The following EPHX1 variants were observed in gnomAD, a reference collection of about 807,000 sequenced individuals.
EPHX1 encodes epoxide hydrolase 1.
EPHX1 carries 40 observed loss-of-function variants against 43.2 expected under a neutral mutation model. That is an observed-to-expected ratio of 0.93 (90% CI 0.72 to 1.21). The LOEUF (loss-of-function observed/expected upper bound fraction) is 1.21, where lower values mean the gene tolerates loss of function less well. Ranked by LOEUF, EPHX1 falls within the 50% of genes most tolerant of loss-of-function variation. The probability of loss-of-function intolerance (pLI) is 0.00; values close to 1 mark genes in which losing one functional copy is unlikely to be tolerated. For synonymous variants in EPHX1, 221 were observed against 226.7 expected (o/e 0.98, Z 0.22); for missense variants, 550 against 570.4 (o/e 0.96, Z 0.36).
intron 1 of EPHX1, among the ~76,000 whole-genome samples, chr1:225,821,035 T>A (rs74150521): frequency 0.034 from 5,186 of 152,114 alleles, 249 homozygotes; most frequent in African/African-American, 0.11. Context: ...TTATTTACTT[T>A]AAAAAACAAA....
intron 1 of EPHX1, among the ~76,000 whole-genome samples, chr1:225,828,524 A>G (rs1038565652): frequency 6.7e-5 from 10 of 148,624 alleles, no homozygotes; most frequent in Non-Finnish European, 1.3e-4. Flanking sequence ...GATCATATAT[A>G]TATAATATTT....
chr1:225,813,918 CT>C (rs1370592325), intron 1 of EPHX1, among the ~76,000 whole-genome samples: 2 of 152,214 alleles, frequency 1.3e-5, no homozygotes, highest in Non-Finnish European at 2.9e-5. Flanking sequence ...AAAGAGACTT[CT>C]GGAAAATTCT....
intron 1 of EPHX1, among the ~76,000 whole-genome samples, chr1:225,824,953 C>T (rs1667160401): frequency 6.6e-6 from 1 of 152,176 alleles, no homozygotes; most frequent in African/African-American, 2.4e-5. Flanking sequence ...TGCAGTAGAG[C>T]CTATTTGTAA....
At chr1:225,815,287 C>T (rs1666669233) in intron 1 of EPHX1, among the ~76,000 whole-genome samples, 1 of 136,694 alleles carries the variant, frequency 7.3e-6, no homozygotes, top group African/African-American at 2.5e-5. Flanking sequence ...GCTCTGTTGT[C>T]CAGGCTGGAG....
chr1:225,844,749 GCCCTT>G, intron 8 of EPHX1, 126 bp downstream of exon 8: 1 of 1,445,660 alleles, frequency 6.9e-7, no homozygotes, highest in Non-Finnish European at 9.3e-7. Flanking sequence ...TGCCCCAGGG[GCCCTT>G]GGATGGGAAC....
rs541023646 is a variant in EPHX1 at position 225,826,393 on chromosome 1, A to T, written c.-5-2332A>T. Among the ~76,000 whole-genome samples the T allele has an allele frequency of 1.0e-4, 14 of 140,616 alleles. No individual in the cohort carries two copies. The East Asian group carries it at 3.2e-3, about 32-fold the overall frequency. The allele number at this position is 140,616 out of a possible 152,430, so 92.2% of individuals were successfully genotyped here. On this transcript the variant is annotated intron_variant, in intron 1 of 8. Coordinates refer to ENST00000272167, the MANE Select transcript of EPHX1 (RefSeq NM_001136018.4). ...GCACGAGAATCTCTTGAACCCAGGG[A>T]CAGAAGTTGCAGTGAGCCGAGATCG...
At chr1:225,834,275 C>T (rs1459915629) in intron 3 of EPHX1, among the ~76,000 whole-genome samples, 5 of 148,684 alleles carry the variant, frequency 3.4e-5, no homozygotes, top group East Asian at 4.1e-4. Context: ...CATGGTGGCA[C>T]GTGCCTGTAG....
rs1440117636 is a variant in EPHX1, at chr1:225,839,452, G to A, written c.722+106G>A. 3 of 1,551,454 alleles carry A rather than the reference G, an allele frequency of 1.9e-6. No individual in the cohort carries two copies. The South Asian group carries it at 3.5e-5, about 18-fold the overall frequency. On this transcript the variant is annotated intron_variant, in intron 5 of 8. Transcript: ENST00000272167. ...AGGGTGGGCCAAGGACCCCCCAGGG[G>A]AGAGGAGGGAGTGTGACCTGTCACT...
chr1:225,828,699 G>T (rs1168093491), intron 1 of EPHX1, 26 bp from the exon 2 acceptor site: 2 of 1,612,078 alleles, frequency 1.2e-6, no homozygotes, highest in South Asian at 2.2e-5. Flanking sequence ...GGGCTCCGTT[G>T]TTAATGGCTT....
intron 3 of EPHX1, among the ~76,000 whole-genome samples, chr1:225,837,196 C>T (rs1039463438): frequency 1.3e-5 from 2 of 152,184 alleles, no homozygotes; most frequent in African/African-American, 4.8e-5. Flanking sequence ...TGAGTCTTCC[C>T]CCTTTGGCTT....
At chr1:225,816,012 G>GC (rs1666709183) in intron 1 of EPHX1, among the ~76,000 whole-genome samples, 1 of 152,220 alleles carries the variant, frequency 6.6e-6, no homozygotes, top group African/African-American at 2.4e-5. Flanking sequence ...CCAAGGACTG[G>GC]CCCGGCATGG....
At chr1:225,824,206 T>A (rs1667119872) in intron 1 of EPHX1, among the ~76,000 whole-genome samples, 1 of 151,102 alleles carries the variant, frequency 6.6e-6, no homozygotes, top group South Asian at 2.1e-4. Context: ...AGGGTGTTGT[T>A]TCTTATTATT....
chr1:225,836,451 G>C (rs1415047881), intron 3 of EPHX1, among the ~76,000 whole-genome samples: 1 of 151,990 alleles, frequency 6.6e-6, no homozygotes, highest in Non-Finnish European at 1.5e-5. Context: ...AACAAAAATA[G>C]GCTAGACATG....
intron 3 of EPHX1, among the ~76,000 whole-genome samples, chr1:225,837,124 CTG>C (rs1242971121): frequency 1.3e-5 from 2 of 152,222 alleles, no homozygotes; most frequent in East Asian, 1.9e-4. Context: ...CAATCTAAAA[CTG>C]TTCCAAAATA....
chr1:225,834,321 C>T (rs1488230261), intron 3 of EPHX1, among the ~76,000 whole-genome samples: 1 of 151,804 alleles, frequency 6.6e-6, no homozygotes, highest in East Asian at 1.9e-4. Flanking sequence ...AAAAGAATTG[C>T]TTGAACCAGG....
At position 225,834,129 on chromosome 1, in the gene EPHX1, G is replaced by C. The variant is rs113519775; in HGVS notation, c.364+2170G>C. Among the ~76,000 whole-genome samples the C allele has an allele frequency of 4.2e-3, 563 of 133,664 alleles. 17 individuals are homozygous for C. Among genetic ancestry groups the C allele is most frequent in the African/African-American group, 0.015 (537 of 34,798 alleles). The allele number at this position is 133,664 out of a possible 152,430, so 87.7% of individuals were successfully genotyped here. On this transcript the variant is annotated intron_variant, in intron 3 of 8. Transcript: ENST00000272167. ...AAAAAAAAGAAAAAAAAAAAAAGCC[G>C]GGTGCGGTGGCTCACACCTGTAATC...
chr1:225,832,061 C>G (rs963945635), intron 3 of EPHX1, 102 bp downstream of exon 3: 5 of 1,299,858 alleles, frequency 3.8e-6, no homozygotes, highest in Middle Eastern at 1.8e-4. Context: ...GATTCAGAAC[C>G]CAATTATAGG....
At chr1:225,839,484 T>G in intron 5 of EPHX1, 138 bp downstream of exon 5, 2 of 1,488,926 alleles carry the variant, frequency 1.3e-6, no homozygotes, top group Non-Finnish European at 1.8e-6. Context: ...CACTCAGCAG[T>G]GCCTGAGGCA....
chr1:225,832,342 C>T (rs899494465), intron 3 of EPHX1, among the ~76,000 whole-genome samples: 16 of 152,050 alleles, frequency 1.1e-4, no homozygotes, highest in African/African-American at 3.9e-4. Context: ...GTTCAAGCAG[C>T]CTGGCCAAGA....
Sources: gnomAD v4.1 joint callset for allele counts (sites outside exome capture counted in the v4.1 genomes callset) on GRCh38, gnomAD v4.1.1 for gene constraint, MANE v1.5 for transcripts, NCBI Gene and HGNC (gene_info 2026-07-23, HGNC 2026-07-21) for gene names.